PHF21B: variants seen among roughly 807,000 people sequenced by gnomAD.
PHF21B encodes the protein PHD finger protein 4.
PHF21B carries 22 observed loss-of-function variants against 62.2 expected under a neutral mutation model. The observed-to-expected ratio is 0.35, with a 90% CI of 0.25 to 0.51. The LOEUF is 0.51. Ranked by LOEUF, PHF21B falls within the 20% of genes least tolerant of loss-of-function variation. The pLI, the probability that PHF21B is intolerant of heterozygous loss-of-function variation, is 0.97. For synonymous variants in PHF21B, 341 were observed against 314.7 expected (o/e 1.08, Z -0.88); for missense variants, 701 against 707.9 (o/e 0.99, Z 0.11).
rs182599959 is a variant in PHF21B, at chr22:44,966,819, G to C, written c.120+41726C>G. Among the ~76,000 whole-genome samples, 276 of 152,334 alleles carry C rather than the reference G, an allele frequency of 1.8e-3. 1 individual carries two copies. Among genetic ancestry groups the C allele is most frequent in the African/African-American group, 6.3e-3 (260 of 41,578 alleles). ...AGATGGAAAAGGTAGCATCGCTGCA[G>C]AGGCTCCCAGAGCAGTGCCCACACT... On this transcript the variant is annotated intron_variant, in intron 2 of 12. Coordinates refer to ENST00000313237, the MANE Select transcript of PHF21B (RefSeq NM_138415.5).
intron 5 of PHF21B, among the ~76,000 whole-genome samples, chr22:44,902,833 T>C (rs879867054): frequency 2.0e-5 from 3 of 152,258 alleles, no homozygotes; most frequent in Non-Finnish European, 4.4e-5. Flanking sequence ...CAGCTTCATA[T>C]TGATGTTTTG....
At chr22:44,977,619 C>A (rs533386781) in intron 2 of PHF21B, among the ~76,000 whole-genome samples, 15 of 152,050 alleles carry the variant, frequency 9.9e-5, no homozygotes, top group African/African-American at 3.4e-4. Flanking sequence ...TGCTCTGTCA[C>A]CCAGGCTGGA....
intron 2 of PHF21B, among the ~76,000 whole-genome samples, chr22:44,994,396 G>C (rs6006913): frequency 6.6e-6 from 1 of 152,040 alleles, no homozygotes; most frequent in Non-Finnish European, 1.5e-5. Context: ...AGAGACTGGA[G>C]GGCTGTGTCT....
rs984317137 is a variant in PHF21B at position 44,981,100 on chromosome 22, T to C, written c.120+27445A>G. ...TAGGGCGTGGGGGTTGCCGTGTCTC[T>C]GGGACCAAAGGCATAGAAGAAGTCT... On this transcript the variant is annotated intron_variant, in intron 2 of 12. Transcript: ENST00000313237. Among the ~76,000 whole-genome samples the C allele has an allele frequency of 1.3e-4, 20 of 152,176 alleles. 1 individual carries two copies. Among genetic ancestry groups the C allele is most frequent in the Non-Finnish European group, 2.5e-4 (17 of 68,024 alleles).
Position 44,883,021 on chromosome 22 carries a change from A to C in PHF21B, c.*65T>G, listed in dbSNP as rs1278753397. On this transcript the variant is annotated 3_prime_UTR_variant, in exon 13 of 13. Coordinates refer to ENST00000313237, the MANE Select transcript of PHF21B (RefSeq NM_138415.5). Reference sequence around the variant, plus strand: ...GTGTTTATGAATTAAGGCCGACAGAACCCCCAGGCTGTGTAAGCAGGGTCC... The same window carrying C: ...GTGTTTATGAATTAAGGCCGACAGACCCCCCAGGCTGTGTAAGCAGGGTCC... 17 of 1,484,694 alleles carry C rather than the reference A, an allele frequency of 1.1e-5. No homozygotes were observed. Among genetic ancestry groups the C allele is most frequent in the Non-Finnish European group, 1.4e-5 (15 of 1,105,982 alleles). The allele number at this position is 1,484,694 out of a possible 1,614,324, so 92.0% of individuals were successfully genotyped here.
intron 6 of PHF21B, among the ~76,000 whole-genome samples, chr22:44,895,359 C>A (rs985341071): frequency 6.6e-6 from 1 of 152,194 alleles, no homozygotes; most frequent in Non-Finnish European, 1.5e-5. Flanking sequence ...ATGTTCACGG[C>A]CCATGTGAAG....
At chr22:44,885,332 A>T in intron 12 of PHF21B, 94 bp downstream of exon 12, 1 of 1,213,562 alleles carries the variant, frequency 8.2e-7, no homozygotes, top group Non-Finnish European at 1.1e-6. Flanking sequence ...GCCTGGATCT[A>T]CACCTGTGGT....
chr22:45,007,545 G>A, intron 2 of PHF21B, among the ~76,000 whole-genome samples: 1 of 124,358 alleles, frequency 8.0e-6, no homozygotes, highest in Non-Finnish European at 1.8e-5. Context: ...GGCGCGGCGC[G>A]GGCGGGGGCG....
intron 5 of PHF21B, among the ~76,000 whole-genome samples, chr22:44,906,404 A>G (rs1349359578): frequency 6.6e-6 from 1 of 152,244 alleles, no homozygotes; most frequent in Non-Finnish European, 1.5e-5. Flanking sequence ...CCGGGCAGAT[A>G]TGAGACAGGA....
chr22:44,942,212 C>A (rs2071971944), intron 2 of PHF21B, among the ~76,000 whole-genome samples: 1 of 152,200 alleles, frequency 6.6e-6, no homozygotes, highest in Non-Finnish European at 1.5e-5. Flanking sequence ...CCAGAGCCTG[C>A]AACATCTCAT....
At chr22:44,947,955 A>C (rs1349721672) in intron 2 of PHF21B, among the ~76,000 whole-genome samples, 3 of 74,586 alleles carry the variant, frequency 4.0e-5, no homozygotes, top group African/African-American at 1.7e-4. Context: ...CAGGATCCAG[A>C]GCACAGGGCG....
intron 2 of PHF21B, among the ~76,000 whole-genome samples, chr22:44,942,995 A>ACC (rs136699): frequency 1.4e-5 from 2 of 140,634 alleles, no homozygotes; most frequent in Non-Finnish European, 1.5e-5. Context: ...GCAGGGAGGG[A>ACC]CCCCCCCCCC....
At chr22:44,973,071 G>A (rs768733651) in intron 2 of PHF21B, among the ~76,000 whole-genome samples, 2 of 152,186 alleles carry the variant, frequency 1.3e-5, no homozygotes, top group Non-Finnish European at 2.9e-5. Context: ...AGAATTAAGT[G>A]CAAACACTAT....
intron 2 of PHF21B, among the ~76,000 whole-genome samples, chr22:44,947,055 A>G (rs1278385398): frequency 6.6e-6 from 1 of 152,226 alleles, no homozygotes. Flanking sequence ...ATCCCCTGTT[A>G]AACGTGAGAA....
At chr22:44,987,049 T>C (rs746619872) in intron 2 of PHF21B, among the ~76,000 whole-genome samples, 12 of 152,182 alleles carry the variant, frequency 7.9e-5, no homozygotes, top group South Asian at 2.1e-4. Context: ...ACTTCTGCCA[T>C]TGGCCAAGGA....
intron 5 of PHF21B, among the ~76,000 whole-genome samples, chr22:44,912,255 T>G (rs2071356467): frequency 6.6e-6 from 1 of 152,212 alleles, no homozygotes; most frequent in African/African-American, 2.4e-5. Flanking sequence ...CTTTTGAGGT[T>G]AATGTTGAAA....
Position 44,916,583 on chromosome 22 carries a change from G to C in PHF21B, c.261C>G (p.Gly87=). 1.2e-6 allele frequency: 2 copies of C among 1,605,792 alleles called. No homozygotes were observed. Among genetic ancestry groups the C allele is most frequent in the Non-Finnish European group, 1.7e-6 (2 of 1,179,922 alleles). ...LIPDSLPVAP[G]RDRPPKQPPT... The stretch of plus-strand genomic sequence containing the variant: ...GGGGCTGCTTGGGTGGCCGGTCCCG[G>C]CCCGGGGCAACGGGGAGGCTGTCTG... Residue 87 remains glycine (G), a synonymous_variant, in exon 4 of 13, where the codon GGC becomes GGG. Coordinates refer to ENST00000313237, the MANE Select transcript of PHF21B (RefSeq NM_138415.5).
intron 2 of PHF21B, among the ~76,000 whole-genome samples, chr22:44,921,948 C>T (rs111298299): frequency 0.025 from 3,856 of 152,262 alleles, 101 homozygotes; most frequent in East Asian, 0.085. Context: ...CATGAGCCAC[C>T]GCGCCCGGTC....
chr22:44,911,771 C>G (rs374469555), intron 5 of PHF21B, among the ~76,000 whole-genome samples: 2 of 152,252 alleles, frequency 1.3e-5, no homozygotes, highest in African/African-American at 2.4e-5. Context: ...AGCCCCTACA[C>G]GGAGTCTCTA....
Sources: allele counts gnomAD v4.1 joint callset (sites outside exome capture counted in the v4.1 genomes callset), GRCh38; gene constraint gnomAD v4.1.1; transcripts MANE v1.5; gene names NCBI Gene and HGNC (gene_info 2026-07-23, HGNC 2026-07-21).